Variants in NCAM1 observed in about 807,000 individuals in gnomAD.
NCAM1 encodes neural cell adhesion molecule 1, also known as antigen recognized by monoclonal antibody 5.1H11.
NCAM1 carries 14 observed loss-of-function variants against 109.8 expected under a neutral mutation model. That is an observed-to-expected ratio of 0.13 (90% CI 0.08 to 0.20). The LOEUF is 0.20. NCAM1 is among the 10% of genes least tolerant of loss of function. The pLI is 1.00. For missense variants in NCAM1, 774 were observed against 1,109.9 expected (o/e 0.70, Z 4.30); for synonymous variants, 418 against 442.9 (o/e 0.94, Z 0.70).
At chr11:113,190,494 C>T (rs1232319209) in intron 1 of NCAM1, among the ~76,000 whole-genome samples, 1 of 152,136 alleles carries the variant, frequency 6.6e-6, no homozygotes, top group Non-Finnish European at 1.5e-5. Flanking sequence ...GCCCCTTCTC[C>T]TCTCCCCTCT....
At chr11:113,145,974 C>T (rs1295731591) in intron 1 of NCAM1, among the ~76,000 whole-genome samples, 1 of 152,120 alleles carries the variant, frequency 6.6e-6, no homozygotes, top group Non-Finnish European at 1.5e-5. Context: ...TGGTTTTAAT[C>T]AAAATTGCTC....
chr11:113,052,454 G>A (rs113447000), intron 1 of NCAM1, among the ~76,000 whole-genome samples: 1,711 of 144,026 alleles, frequency 0.012, 25 homozygotes, highest in African/African-American at 0.04. Flanking sequence ...CCCCACCCCC[G>A]CACCTCCACC....
At chr11:112,976,081 G>A (rs11214442) in intron 1 of NCAM1, among the ~76,000 whole-genome samples, 45,971 of 151,658 alleles carry the variant, frequency 0.3, 8,002 homozygotes, top group East Asian at 0.67. Flanking sequence ...AATATTAAGA[G>A]AATAGCTTTC....
chr11:113,054,830 G>A (rs1251484994), intron 1 of NCAM1, among the ~76,000 whole-genome samples: 1 of 152,118 alleles, frequency 6.6e-6, no homozygotes, highest in East Asian at 1.9e-4. Flanking sequence ...AGAGTCTGAG[G>A]GAGCAAGAGA....
At chr11:113,194,140 G>C (rs1436645617) in intron 1 of NCAM1, among the ~76,000 whole-genome samples, 1 of 152,162 alleles carries the variant, frequency 6.6e-6, no homozygotes, top group African/African-American at 2.4e-5. Context: ...AGAGCCTCCT[G>C]CTTCTGGCTA....
intron 1 of NCAM1, among the ~76,000 whole-genome samples, chr11:113,176,267 A>G (rs1407675324): frequency 6.6e-6 from 1 of 152,236 alleles, no homozygotes; most frequent in Non-Finnish European, 1.5e-5. Context: ...AAGGACAAGC[A>G]TGGCCTCTTG....
At chr11:113,264,832 G>C in intron 17 of NCAM1, 1 of 985,400 alleles carries the variant, frequency 1.0e-6, no homozygotes, top group Non-Finnish European at 1.2e-6. Context: ...CCCACGGCTT[G>C]TAACAGTGCG....
rs1946418779 is a variant in NCAM1 at position 113,277,421 on chromosome 11, C to T, written c.*2034C>T. ...CTTTGATTCTAGGGCCTGCACAGAT[C>T]TCTGGTTCAAATGCACAGGCCCTCA... On this transcript the variant is annotated 3_prime_UTR_variant, in exon 20 of 20. Coordinates refer to ENST00000316851, the MANE Select transcript of NCAM1 (RefSeq NM_181351.5). The T allele has an allele frequency of 1.8e-5, 7 of 398,936 alleles. No individual in the cohort carries two copies. Among genetic ancestry groups the T allele is most frequent in the Non-Finnish European group, 2.2e-5 (5 of 226,082 alleles). 24.7% of individuals were successfully genotyped at this position (398,936 alleles called of 1,614,324 possible).
intron 1 of NCAM1, among the ~76,000 whole-genome samples, chr11:113,007,248 G>A (rs1317268459): frequency 1.3e-5 from 2 of 152,148 alleles, no homozygotes; most frequent in African/African-American, 4.8e-5. Flanking sequence ...CTGGAGTGCA[G>A]TGGGTGTGTG....
At chr11:113,219,010 G>A (rs868947893) in intron 8 of NCAM1, among the ~76,000 whole-genome samples, 7 of 152,152 alleles carry the variant, frequency 4.6e-5, no homozygotes, top group Admixed American at 1.3e-4. Context: ...ACTGAGACCC[G>A]TGGATGATGA....
chr11:113,079,485 A>T (rs1938690323), intron 1 of NCAM1, among the ~76,000 whole-genome samples: 1 of 152,210 alleles, frequency 6.6e-6, no homozygotes, highest in Non-Finnish European at 1.5e-5. Flanking sequence ...TATATCCCAG[A>T]GACAGATCCT....
At chr11:113,235,394 G>T (rs560538902) in intron 14 of NCAM1, 4 of 904,950 alleles carry the variant, frequency 4.4e-6, no homozygotes, top group Non-Finnish European at 3.6e-6. Flanking sequence ...CCTAGTAGCC[G>T]GTCCAGCTTG....
intron 17 of NCAM1, chr11:113,264,385 G>T (rs781838055): frequency 1.4e-4 from 136 of 985,250 alleles, no homozygotes; most frequent in Non-Finnish European, 1.5e-4. Context: ...AGAGGCTCAC[G>T]TGCAGACATC....
chr11:113,240,087 A>C (rs1945280480), intron 14 of NCAM1, among the ~76,000 whole-genome samples: 2 of 152,194 alleles, frequency 1.3e-5, no homozygotes, highest in Non-Finnish European at 2.9e-5. Context: ...CAGTCTCTTC[A>C]TCATTTCTAT....
Position 113,206,081 on chromosome 11 carries a change from C to A in NCAM1, c.529C>A (p.Arg177=). 2 of 1,613,882 alleles carry A rather than the reference C, an allele frequency of 1.2e-6. No individual in the cohort carries two copies. Among genetic ancestry groups the A allele is most frequent in the South Asian group, 2.2e-5 (2 of 91,078 alleles). ...CCTGTCCAACAACTACCTGCAGATC[C>A]GGGGCATCAAGAAAACAGATGAGGG... ...IVLSNNYLQI[R]GIKKTDEGTY... is the part of the protein sequence containing the mutation. Residue 177 remains arginine, a synonymous_variant, in exon 5 of 20, where the codon CGG becomes AGG. Coordinates refer to ENST00000316851, the MANE Select transcript of NCAM1 (RefSeq NM_181351.5).
chr11:113,093,834 A>G (rs1480262195), intron 1 of NCAM1, among the ~76,000 whole-genome samples: 1 of 152,178 alleles, frequency 6.6e-6, no homozygotes, highest in African/African-American at 2.4e-5. Flanking sequence ...GCACTCAGGA[A>G]TGGCCTCCCA....
rs145849128 is a variant in NCAM1, at chr11:113,032,168, T to C, written c.52+70504T>C. 2.0e-3 allele frequency among the ~76,000 whole-genome samples: 307 copies of C among 152,304 alleles called. 1 individual carries two copies. Among genetic ancestry groups the C allele is most frequent in the African/African-American group, 7.0e-3 (292 of 41,566 alleles). On this transcript the variant is annotated intron_variant, in intron 1 of 19. Coordinates refer to ENST00000316851, the MANE Select transcript of NCAM1 (RefSeq NM_181351.5). ...GTAACCCAGGCTGGTCTTGAACTCC[T>C]GGGCTGAAGTGATCCTGCCAGAATT...
At chr11:113,176,635 A>C (rs1286759785) in intron 1 of NCAM1, among the ~76,000 whole-genome samples, 1 of 152,196 alleles carries the variant, frequency 6.6e-6, no homozygotes, top group Non-Finnish European at 1.5e-5. Context: ...TTTTCAAAGG[A>C]GGTGTTATGG....
At chr11:113,269,657 G>A (rs1218014886) in intron 17 of NCAM1, 1 of 166,714 alleles carries the variant, frequency 6.0e-6, no homozygotes, top group Admixed American at 5.6e-5. Flanking sequence ...TCCTAAAGAG[G>A]GAAAGAGGAA....
Sources: allele counts gnomAD v4.1 joint callset (sites outside exome capture counted in the v4.1 genomes callset), GRCh38; gene constraint gnomAD v4.1.1; transcripts MANE v1.5; gene names NCBI Gene and HGNC (gene_info 2026-07-23, HGNC 2026-07-21).